PEG3: variants seen among roughly 807,000 people sequenced by gnomAD.
The protein encoded by PEG3 is paternally-expressed gene 3 protein.
PEG3 carries 23 observed loss-of-function variants against 35.5 expected under a neutral mutation model. The observed-to-expected ratio is 0.65, with a 90% CI of 0.47 to 0.92. The LOEUF is 0.92. Ranked by LOEUF, PEG3 falls within the 40% of genes least tolerant of loss-of-function variation. The pLI, the probability that PEG3 is intolerant of heterozygous loss-of-function variation, is 0.00. For missense variants in PEG3, 1,960 were observed against 1,985.3 expected (o/e 0.99, Z 0.24); for synonymous variants, 707 against 697.0 (o/e 1.01, Z -0.23).
At chr19:56,829,316 C>A (rs1601168479) in intron 2 of PEG3, among the ~76,000 whole-genome samples, 1 of 146,810 alleles carries the variant, frequency 6.8e-6, no homozygotes, top group East Asian at 2.0e-4. Context: ...TGCGCTCCAG[C>A]CTGGGCAACA....
At chr19:56,835,264 C>T (rs1174428532) in intron 2 of PEG3, among the ~76,000 whole-genome samples, 7 of 152,132 alleles carry the variant, frequency 4.6e-5, no homozygotes, top group African/African-American at 7.2e-5. Context: ...AAGCACTTCC[C>T]GCTGCACTTA....
rs2059971198 is a variant in PEG3, at chr19:56,816,282, T to C, written c.2160A>G (p.Lys720=). The change falls in exon 10 of 10, where the codon AAA becomes AAG. Residue 720 remains lysine, a synonymous_variant. Coordinates refer to ENST00000326441, the MANE Select transcript of PEG3 (RefSeq NM_006210.3). ...TGAATGGCCCACTATGAATGACAGA[T>C]TTCTCATACCCTCTGCCTTCAAAGA... The part of the protein sequence containing the change: ...KNLFEGRGYE[K]SVIHSGPFTE... 2 of 1,613,836 alleles carry C rather than the reference T, an allele frequency of 1.2e-6. No individual in the cohort carries two copies. The highest frequency in any genetic ancestry group is 2.7e-5 in the African/African-American group (2 of 74,912).
At chr19:56,835,370 T>C (rs1351061046) in intron 2 of PEG3, among the ~76,000 whole-genome samples, 1 of 152,154 alleles carries the variant, frequency 6.6e-6, no homozygotes, top group African/African-American at 2.4e-5. Flanking sequence ...CACTCAACGA[T>C]TCCCTTGCTC....
chr19:56,825,086 T>A (rs960346102), intron 3 of PEG3: 1 of 162,016 alleles, frequency 6.2e-6, no homozygotes, highest in African/African-American at 2.4e-5. Context: ...CTAAGATACC[T>A]AAAAAGACTT....
In PEG3 at chr19:56,821,561, G is replaced by A; in HGVS notation, c.669+90C>T. The A allele has an allele frequency of 4.0e-6, 6 of 1,499,742 alleles. No homozygotes were observed. The South Asian group carries it at 7.1e-5, about 18-fold the overall frequency. The allele number at this position is 1,499,742 out of a possible 1,614,324, so 92.9% of individuals were successfully genotyped here. A position where few individuals can be genotyped will look rare whatever the true frequency, so the allele number is the denominator to read the frequency against. On this transcript the variant is annotated intron_variant, in intron 7 of 9. Transcript: ENST00000326441. Reference sequence around the variant, plus strand: ...CTCTCACCCCAGCTGGACTCTAGGGGGCAGATAAACACACCATCTGGGGAA... The same window carrying A: ...CTCTCACCCCAGCTGGACTCTAGGGAGCAGATAAACACACCATCTGGGGAA...
chr19:56,836,510 A>T (rs1276588055), intron 1 of PEG3, among the ~76,000 whole-genome samples: 1 of 152,140 alleles, frequency 6.6e-6, no homozygotes, highest in East Asian at 1.9e-4. Flanking sequence ...GTTTATCAAC[A>T]TGTTCTCAGT....
rs1303260700 is a variant in PEG3 at position 56,816,745 on chromosome 19, C to G, written c.1697G>C (p.Arg566Thr). Residue 566 changes from arginine to threonine, a missense_variant, in exon 10 of 10, where the codon AGG (arginine) becomes ACG (threonine). Coordinates refer to ENST00000326441, the MANE Select transcript of PEG3 (RefSeq NM_006210.3). The part of the protein sequence containing the change: ...IYGKDKFYEC[R>T]VCKETFLHSS... ...ATGAAGGAAGGTTTCCTTACACACC[C>G]TGCACTCGTAGAATTTGTCTTTGCC... 1 of 1,614,028 alleles carries G rather than the reference C, an allele frequency of 6.2e-7. No homozygotes were observed. Among genetic ancestry groups the G allele is most frequent in the African/African-American group, 1.3e-5 (1 of 74,906 alleles).
intron 7 of PEG3, among the ~76,000 whole-genome samples, chr19:56,820,828 C>G (rs771284916): frequency 6.6e-6 from 1 of 152,218 alleles, no homozygotes; most frequent in African/African-American, 2.4e-5. Flanking sequence ...CACTGCTGTG[C>G]CCCCCAGGGC....
chr19:56,823,648 G>A lies in PEG3; in HGVS notation c.426C>T (p.Asp142=), dbSNP rs766142792. 6 of 1,613,970 alleles carry A rather than the reference G, an allele frequency of 3.7e-6. No homozygotes were observed. In the African/African-American group the frequency reaches 4.0e-5, roughly 11 times the overall value. ...ACTCTCTTCTGTTCCGGGTCATGTC[G>A]TCGTCGCTGGTCACGTCACTGTTGT... ...DDNNSDVTSD[D]DMTRNRRESS... is the part of the protein sequence containing the mutation. The change falls in exon 5 of 10, where the codon GAC becomes GAT. Residue 142 remains aspartate (D), a synonymous_variant. Coordinates refer to ENST00000326441, the MANE Select transcript of PEG3 (RefSeq NM_006210.3).
intron 2 of PEG3, 112 bp downstream of exon 2, chr19:56,835,906 G>A (rs981130105): frequency 4.7e-6 from 2 of 427,832 alleles, no homozygotes; most frequent in Non-Finnish European, 9.6e-6. Context: ...GGCACAAATG[G>A]TGCTGGGGTG....
rs563730625 is a variant in PEG3 at position 56,830,742 on chromosome 19, A to G, written c.-162-4279T>C. On this transcript the variant is annotated intron_variant, in intron 2 of 9. Coordinates refer to ENST00000326441, the MANE Select transcript of PEG3 (RefSeq NM_006210.3). The stretch of plus-strand genomic sequence containing the variant: ...AAATAAATTTAACAAAGTTACCTGC[A>G]ACTTCAAACAAAATTTCAAAAATTT... Among the ~76,000 whole-genome samples the G allele has an allele frequency of 7.2e-5, 11 of 152,156 alleles. No homozygotes were observed. In the East Asian group the frequency reaches 1.9e-3, roughly 27 times the overall value.
At position 56,814,667 on chromosome 19, in the gene PEG3, C is replaced by A. The variant is rs1323199478; in HGVS notation, c.3775G>T (p.Ala1259Ser). 6.2e-7 allele frequency: 1 copy of A among 1,614,092 alleles called. No homozygotes were observed. The highest frequency in any genetic ancestry group is 1.3e-5 in the African/African-American group (1 of 75,060). Residue 1259 changes from alanine (A) to serine (S), a missense_variant, in exon 10 of 10, where the codon GCT becomes TCT. Around this residue, in one of 5 missense-constraint regions of PEG3, gnomAD observed 416 missense variants for 416.7 expected, o/e 1.00. Transcript: ENST00000326441. This position sits in a 1 kb window ranked among gnomAD's most constrained non-coding sequence, Gnocchi z 5.8. ...EDDLLEQSQM[A>S]EEAIIPGLAL... ...AAGCCTGGAATGATAGCTTCCTCAGCCATCTGGCTCTGCTCCAGTAAATCA... is the reference window on the plus strand; with the variant it reads ...AAGCCTGGAATGATAGCTTCCTCAGACATCTGGCTCTGCTCCAGTAAATCA...
chr19:56,836,969 CAAAAAAAAAAAAAAAAAAA>C (rs573566620), intron 1 of PEG3, among the ~76,000 whole-genome samples: 30 of 116,972 alleles, frequency 2.6e-4, no homozygotes, highest in Admixed American at 5.0e-4. Context: ...GACTCTGTCT[CAAAAAAAAAAAAAAAAAAA>C]AAAAAAAAAA....
intron 1 of PEG3, among the ~76,000 whole-genome samples, chr19:56,840,310 C>A (rs1421280648): frequency 6.6e-6 from 1 of 152,200 alleles, no homozygotes; most frequent in Non-Finnish European, 1.5e-5. Context: ...CCCCGGACTG[C>A]AAGATGGCGG....
In PEG3 at chr19:56,821,688, T is replaced by A. The variant is rs778403790; in HGVS notation, c.632A>T (p.Asp211Val). ...AKTSFEMDRE[D>V]DRDSRAYESR... The stretch of plus-strand genomic sequence containing the variant: ...CTCATAAGCCCTGGAGTCCCTGTCG[T>A]CCTCTCTGTCCATTTCAAAGCTTGT... The change falls in exon 7 of 10, where the codon GAC becomes GTC. Residue 211 changes from aspartate (D) to valine (V), a missense_variant. By Grantham distance (152) the Asp-to-Val change is radical (BLOSUM62 -3). Around this residue, in one of 5 missense-constraint regions of PEG3, gnomAD observed 613 missense variants for 577.1 expected, o/e 1.06. Coordinates refer to ENST00000326441, the MANE Select transcript of PEG3 (RefSeq NM_006210.3). 6.2e-7 allele frequency: 1 copy of A among 1,613,856 alleles called. No individual in the cohort carries two copies. The highest frequency in any genetic ancestry group is 8.5e-7 in the Non-Finnish European group (1 of 1,179,982).
intron 2 of PEG3, chr19:56,833,498 G>C (rs964531866): frequency 3.8e-6 from 1 of 264,928 alleles, no homozygotes; most frequent in African/African-American, 2.2e-5. Flanking sequence ...TCACCTCCCA[G>C]TTTAAATGCC....
chr19:56,836,260 C>T (rs59958078), intron 1 of PEG3, among the ~76,000 whole-genome samples, 156 bp from the exon 2 acceptor site: 1,981 of 152,188 alleles, frequency 0.013, 50 homozygotes, highest in African/African-American at 0.045. Context: ...TGAATGGCCA[C>T]GGGTATAGCT....
intron 2 of PEG3, among the ~76,000 whole-genome samples, chr19:56,829,049 A>T (rs1044198031): frequency 6.6e-6 from 1 of 152,218 alleles, no homozygotes; most frequent in Non-Finnish European, 1.5e-5. Context: ...ATAAGAAAAA[A>T]AAGCTAAAAA....
chr19:56,836,895 G>C (rs1332396952), intron 1 of PEG3, among the ~76,000 whole-genome samples: 1 of 150,708 alleles, frequency 6.6e-6, no homozygotes, highest in South Asian at 2.1e-4. Flanking sequence ...ACTTGAACCC[G>C]GGAGGCAGAG....
Sources: allele counts gnomAD v4.1 joint callset (sites outside exome capture counted in the v4.1 genomes callset), GRCh38; gene constraint gnomAD v4.1.1; regional missense constraint gnomAD v4.1.1; non-coding constraint Gnocchi (gnomAD v3.1); transcripts MANE v1.5; gene names NCBI Gene and HGNC (gene_info 2026-07-23, HGNC 2026-07-21).